Variants in RGS7 observed in about 807,000 individuals in gnomAD.
The protein encoded by RGS7 is regulator of G-protein signaling 7.
A neutral mutation model predicts 81.1 loss-of-function variants in RGS7; 27 were observed. The ratio of observed to expected loss-of-function variants is 0.33; its 90% CI spans 0.25 to 0.46. The LOEUF (loss-of-function observed/expected upper bound fraction) is 0.46. RGS7 is among the 20% of genes least tolerant of loss of function. RGS7 has a pLI of 1.00. For missense variants in RGS7, 396 were observed against 607.4 expected, an observed-to-expected ratio of 0.65 and a Z score of 3.66; for synonymous variants, 208 against 207.7, an observed-to-expected ratio of 1.00 and a Z score of -0.01.
intron 3 of RGS7, among the ~76,000 whole-genome samples, chr1:241,066,065 A>G (rs896784843): frequency 2.0e-5 from 3 of 152,208 alleles, no homozygotes; most frequent in African/African-American, 7.2e-5. Context: ...AGTGTAGCAT[A>G]AAGTATATCT....
intron 2 of RGS7, among the ~76,000 whole-genome samples, chr1:241,239,182 T>C (rs1227451426): frequency 6.6e-6 from 1 of 151,932 alleles, no homozygotes; most frequent in Non-Finnish European, 1.5e-5. Context: ...TTAGCCAGGA[T>C]GTTCTCGATC....
chr1:240,868,444 G>T lies in RGS7; in HGVS notation c.609+143C>A. 1.3e-6 allele frequency: 1 copy of T among 741,150 alleles called. No homozygotes were observed. Among genetic ancestry groups the T allele is most frequent in the Admixed American group, 1.9e-5 (1 of 51,366 alleles). 45.9% of individuals were successfully genotyped at this position (741,150 alleles called of 1,614,324 possible). On this transcript the variant is annotated intron_variant, in intron 9 of 18. Transcript: ENST00000440928. This position sits in a 1 kb window ranked among gnomAD's most constrained non-coding sequence, Gnocchi z 5.1. Reference sequence around the variant, plus strand: ...GGTCTAGTCATCCTACACAAAAGTGGTGATCTTTTCTTAATGAATTCACCA... The same window carrying T: ...GGTCTAGTCATCCTACACAAAAGTGTTGATCTTTTCTTAATGAATTCACCA...
intron 2 of RGS7, among the ~76,000 whole-genome samples, chr1:241,229,446 T>TCCTCGC (rs1472144214): frequency 6.6e-6 from 1 of 152,170 alleles, no homozygotes; most frequent in Non-Finnish European, 1.5e-5. Context: ...CTTCCACATC[T>TCCTCGC]CCTCGCCCTC....
chr1:241,077,363 G>A (rs1319743842), intron 3 of RGS7, among the ~76,000 whole-genome samples: 2 of 152,152 alleles, frequency 1.3e-5, no homozygotes, highest in African/African-American at 2.4e-5. Context: ...ATGGCTAACT[G>A]GATAAAAATA....
chr1:241,215,294 G>A (rs2074480195), intron 2 of RGS7, among the ~76,000 whole-genome samples: 2 of 152,132 alleles, frequency 1.3e-5, no homozygotes, highest in South Asian at 4.1e-4. Flanking sequence ...ACTAGGAGTG[G>A]CCCTTATAGG....
chr1:241,039,893 A>G (rs1002844684), intron 3 of RGS7, among the ~76,000 whole-genome samples: 1 of 152,224 alleles, frequency 6.6e-6, no homozygotes, highest in African/African-American at 2.4e-5. Context: ...TGTTCAATAA[A>G]TAAACCTGTG....
At chr1:241,205,533 T>C (rs1310918544) in intron 2 of RGS7, among the ~76,000 whole-genome samples, 2 of 151,838 alleles carry the variant, frequency 1.3e-5, no homozygotes, top group Non-Finnish European at 2.9e-5. Context: ...CGACCTTGGC[T>C]CACTTCAGCC....
intron 2 of RGS7, among the ~76,000 whole-genome samples, chr1:241,129,691 G>A (rs1189989138): frequency 6.6e-6 from 1 of 152,114 alleles, no homozygotes; most frequent in African/African-American, 2.4e-5. Context: ...CAGTTACTTG[G>A]AGAGTTTATT....
intron 18 of RGS7, among the ~76,000 whole-genome samples, chr1:240,782,055 A>T (rs910031165): frequency 6.6e-6 from 1 of 152,142 alleles, no homozygotes; most frequent in African/African-American, 2.4e-5. Context: ...ACTGAGGTCA[A>T]AGCAGACAGC....
At chr1:241,354,515 C>A (rs181122524) in intron 2 of RGS7, among the ~76,000 whole-genome samples, 18 of 152,142 alleles carry the variant, frequency 1.2e-4, no homozygotes, top group Non-Finnish European at 2.4e-4. Flanking sequence ...TGTACCAGGA[C>A]GCCTGTGCAT....
chr1:240,782,526 G>A (rs529958216), intron 18 of RGS7, among the ~76,000 whole-genome samples: 4 of 152,220 alleles, frequency 2.6e-5, no homozygotes, highest in South Asian at 2.1e-4. Context: ...AGGCTCAAGC[G>A]ATCCTCCTGC....
intron 2 of RGS7, among the ~76,000 whole-genome samples, chr1:241,123,272 T>A (rs2066413713): frequency 6.6e-6 from 1 of 152,198 alleles, no homozygotes. Context: ...TCAGCCTATC[T>A]ACCTCACCAA....
intron 2 of RGS7, among the ~76,000 whole-genome samples, chr1:241,202,666 T>C (rs2073607590): frequency 6.6e-6 from 1 of 152,232 alleles, no homozygotes; most frequent in South Asian, 2.1e-4. Context: ...CTTCTGGGTA[T>C]GAGGCAGGCC....
intron 2 of RGS7, among the ~76,000 whole-genome samples, chr1:241,266,986 T>C (rs2148320781): frequency 1.3e-5 from 2 of 152,324 alleles, no homozygotes; most frequent in South Asian, 4.1e-4. Flanking sequence ...AAAGTCTGGG[T>C]CTGCCCGAGT....
chr1:241,327,143 A>G (rs200297251), intron 2 of RGS7, among the ~76,000 whole-genome samples: 21 of 80,866 alleles, frequency 2.6e-4, no homozygotes, highest in East Asian at 1.0e-3. Context: ...AGAAAGAAAG[A>G]AAGGAAAGAA....
intron 3 of RGS7, among the ~76,000 whole-genome samples, chr1:241,069,179 C>CT (rs1167813805): frequency 1.3e-5 from 2 of 152,184 alleles, no homozygotes; most frequent in Non-Finnish European, 2.9e-5. Context: ...GATGTGGATA[C>CT]TTTTTTCCCC....
intron 6 of RGS7, among the ~76,000 whole-genome samples, chr1:240,928,106 G>A (rs531021003): frequency 6.6e-6 from 1 of 152,310 alleles, no homozygotes; most frequent in Non-Finnish European, 1.5e-5. Context: ...ACCCGTAGCT[G>A]TAACACCCAT....
chr1:240,967,576 G>C (rs936508719), intron 4 of RGS7, among the ~76,000 whole-genome samples: 2 of 130,242 alleles, frequency 1.5e-5, no homozygotes, highest in African/African-American at 2.7e-5. Context: ...AGTGGGGGGG[G>C]GGGGGAAAAG....
At position 240,776,028 on chromosome 1, in the gene RGS7, A is replaced by G. The variant is rs1682875582; in HGVS notation, c.*192T>C. 1 of 752,686 alleles carries G rather than the reference A, an allele frequency of 1.3e-6. No homozygotes were observed. The highest frequency in any genetic ancestry group is 2.5e-6 in the Non-Finnish European group (1 of 406,716). The allele number at this position is 752,686 out of a possible 1,614,324, so 46.6% of individuals were successfully genotyped here. On this transcript the variant is annotated 3_prime_UTR_variant, in exon 19 of 19. Coordinates refer to ENST00000440928, the MANE Select transcript of RGS7 (RefSeq NM_001364886.1). ...GAAGAGTCCATTGGAGATGGAATGT[A>G]CACACAAAAATAACAATTTAGGTCC...
Sources: allele counts gnomAD v4.1 joint callset (sites outside exome capture counted in the v4.1 genomes callset), GRCh38; gene constraint gnomAD v4.1.1; non-coding constraint Gnocchi (gnomAD v3.1); transcripts MANE v1.5; gene names NCBI Gene and HGNC (gene_info 2026-07-23, HGNC 2026-07-21).